Variants in MKNK1 observed in about 807,000 individuals in gnomAD.
MKNK1 encodes the protein MAPK interacting serine/threonine kinase 1, also known as MAP kinase-interacting serine/threonine-protein kinase 1.
MKNK1 carries 30 observed loss-of-function variants against 49.3 expected under a neutral mutation model. The observed-to-expected ratio is 0.61, with a 90% CI of 0.46 to 0.83. MKNK1 has a LOEUF of 0.83. Among genes scored for constraint, MKNK1 ranks in the 40% least tolerant of loss-of-function variants. The pLI, the probability that MKNK1 is intolerant of heterozygous loss-of-function variation, is 0.00. For synonymous variants in MKNK1, 176 were observed against 201.7 expected, an observed-to-expected ratio of 0.87 and a Z score of 1.08; for missense variants, 423 against 524.7, an observed-to-expected ratio of 0.81 and a Z score of 1.89.
intron 8 of MKNK1, among the ~76,000 whole-genome samples, chr1:46,566,800 G>C (rs1308164656): frequency 6.6e-6 from 1 of 152,134 alleles, no homozygotes; most frequent in Admixed American, 6.5e-5. Flanking sequence ...AGAAATGTCT[G>C]TTCAAGTCCC....
intron 12 of MKNK1, 114 bp downstream of exon 12, chr1:46,560,120 G>C: frequency 2.6e-6 from 3 of 1,157,788 alleles, no homozygotes; most frequent in Non-Finnish European, 3.8e-6. Flanking sequence ...AATGGGCAGG[G>C]AGCCCCTTTG....
chr1:46,565,369 G>T, intron 8 of MKNK1: 1 of 542,744 alleles, frequency 1.8e-6, no homozygotes, highest in Non-Finnish European at 3.3e-6. Flanking sequence ...TGGACTATTT[G>T]GTGTCAGATT....
intron 3 of MKNK1, 81 bp downstream of exon 3, chr1:46,583,147 G>C: frequency 9.3e-7 from 1 of 1,080,664 alleles, no homozygotes. Context: ...CGCATTCTGT[G>C]ATCGGACCTG....
intron 2 of MKNK1, among the ~76,000 whole-genome samples, chr1:46,592,751 C>A (rs1414665166): frequency 3.3e-5 from 5 of 152,220 alleles, no homozygotes; most frequent in Non-Finnish European, 7.3e-5. Flanking sequence ...GCAAAGACCA[C>A]AGCCCTCCTT....
intron 2 of MKNK1, among the ~76,000 whole-genome samples, chr1:46,588,598 G>C (rs1231909056): frequency 6.6e-6 from 1 of 152,104 alleles, no homozygotes; most frequent in Non-Finnish European, 1.5e-5. Context: ...ACGAGGTCAG[G>C]AGATCGAGAC....
chr1:46,586,330 G>A (rs1672565797), intron 2 of MKNK1: 3 of 225,276 alleles, frequency 1.3e-5, no homozygotes, highest in South Asian at 1.3e-4. Context: ...GATGAGTTAA[G>A]GTTTCTACAG....
intron 1 of MKNK1, among the ~76,000 whole-genome samples, chr1:46,603,450 A>G (rs968267425): frequency 6.6e-6 from 1 of 152,238 alleles, no homozygotes; most frequent in African/African-American, 2.4e-5. Context: ...AGCACCCATT[A>G]CATGACAGGC....
intron 6 of MKNK1, among the ~76,000 whole-genome samples, chr1:46,572,608 A>G (rs981743557): frequency 6.6e-6 from 1 of 152,158 alleles, no homozygotes; most frequent in Non-Finnish European, 1.5e-5. Context: ...CTACCTGTCC[A>G]GCTCCAAGTG....
chr1:46,563,009 G>A, intron 9 of MKNK1, 166 bp from the exon 10 acceptor site: 2 of 577,784 alleles, frequency 3.5e-6, no homozygotes, highest in Non-Finnish European at 6.0e-6. Context: ...ATGCCACCAA[G>A]GCATCTGCAG....
chr1:46,600,288 G>A (rs553108700), intron 1 of MKNK1, among the ~76,000 whole-genome samples: 2 of 152,336 alleles, frequency 1.3e-5, no homozygotes, highest in Admixed American at 1.3e-4. Flanking sequence ...AGGAGGGCAG[G>A]AAATGTGTTG....
chr1:46,565,211 G>A (rs907132516), intron 8 of MKNK1, 75 bp from the exon 9 acceptor site: 21 of 1,350,854 alleles, frequency 1.6e-5, no homozygotes, highest in African/African-American at 4.3e-5. Context: ...ATGGCTGTAC[G>A]GGTGCATGGC....
At chr1:46,590,702 TA>T (rs1673219856) in intron 2 of MKNK1, among the ~76,000 whole-genome samples, 1 of 152,216 alleles carries the variant, frequency 6.6e-6, no homozygotes, top group Non-Finnish European at 1.5e-5. Flanking sequence ...TGCTTTTGTT[TA>T]TAAACCTTAG....
At chr1:46,587,964 C>T (rs1672811697) in intron 2 of MKNK1, among the ~76,000 whole-genome samples, 1 of 152,178 alleles carries the variant, frequency 6.6e-6, no homozygotes, top group Non-Finnish European at 1.5e-5. Context: ...TAATACGCTA[C>T]AATTTTAAAA....
chr1:46,584,988 C>T (rs1380722590), intron 2 of MKNK1, among the ~76,000 whole-genome samples: 1 of 152,016 alleles, frequency 6.6e-6, no homozygotes, highest in African/African-American at 2.4e-5. Context: ...CCATGGCTCA[C>T]GCCTGTAATC....
At chr1:46,583,102 A>C (rs1174400836) in intron 3 of MKNK1, 126 bp downstream of exon 3, 1 of 764,492 alleles carries the variant, frequency 1.3e-6, no homozygotes. Context: ...TTATCTCCCT[A>C]CCACACAGAT....
chr1:46,568,715 G>A (rs1339583405), intron 7 of MKNK1: 5 of 556,644 alleles, frequency 9.0e-6, no homozygotes, highest in Non-Finnish European at 1.6e-5. Context: ...GGCTTTAGAA[G>A]TCTGGCAGGG....
Position 46,583,255 on chromosome 1 carries a change from TGGCCC to T in MKNK1, c.68_72del (p.Arg23HisfsTer2). On this transcript the variant is annotated frameshift_variant, in exon 3 of 13. Coordinates refer to ENST00000371945, the MANE Select transcript of MKNK1 (RefSeq NM_001135553.4). LOFTEE classifies it high-confidence loss of function. ...TCAAACTTTCCTGGCAAGGAGTCAG[TGGCCC>T]GGCCCCTCCGCTTCTTCTTCCTCCT... 6.2e-7 allele frequency: 1 copy of T among 1,614,036 alleles called. No homozygotes were observed. The highest frequency in any genetic ancestry group is 8.5e-7 in the Non-Finnish European group (1 of 1,180,002).
intron 8 of MKNK1, 103 bp downstream of exon 8, chr1:46,568,340 T>C: frequency 9.8e-7 from 1 of 1,021,534 alleles, no homozygotes. Flanking sequence ...TCAGTTCAAG[T>C]TGGTGTCTGA....
At chr1:46,563,310 A>C (rs1375750245) in intron 9 of MKNK1, among the ~76,000 whole-genome samples, 1 of 152,182 alleles carries the variant, frequency 6.6e-6, no homozygotes, top group Admixed American at 6.5e-5. Flanking sequence ...AAAGCTACAA[A>C]GCTCTTAGAA....
Sources: allele counts gnomAD v4.1 joint callset (sites outside exome capture counted in the v4.1 genomes callset), GRCh38; gene constraint gnomAD v4.1.1; transcripts MANE v1.5; gene names NCBI Gene and HGNC (gene_info 2026-07-23, HGNC 2026-07-21).